The following VPS33B variants were observed in gnomAD, a reference collection of about 807,000 sequenced individuals.
The protein encoded by VPS33B is vacuolar protein sorting-associated protein 33B.
In VPS33B, 80 loss-of-function variants were observed where a neutral mutation model predicts 95.3. That is an observed-to-expected ratio of 0.84 (90% CI 0.70 to 1.01). The LOEUF (loss-of-function observed/expected upper bound fraction) is 1.01. VPS33B is among the 50% of genes least tolerant of loss of function. The pLI is 0.00. For missense variants in VPS33B, 715 were observed against 773.4 expected (o/e 0.92, Z 0.90); for synonymous variants, 280 against 280.4 (o/e 1.00, Z 0.01).
In VPS33B at chr15:91,005,861, T is replaced by C. The variant is rs988301584; in HGVS notation, c.940-77A>G. On this transcript the variant is annotated intron_variant, in intron 12 of 22. Coordinates refer to ENST00000333371, the MANE Select transcript of VPS33B (RefSeq NM_018668.5). This position sits in a 1 kb window ranked among gnomAD's most constrained non-coding sequence, Gnocchi z 6.4. ...ACCACCCTCCCTCAGTTGCCATCCA[T>C]CCATGAGAAAGGACAGGGAACCTGT... 6.2e-7 allele frequency: 1 copy of C among 1,608,536 alleles called. No individual in the cohort carries two copies. The highest frequency in any genetic ancestry group is 1.3e-5 in the African/African-American group (1 of 74,768).
In VPS33B at chr15:91,014,219, CAAAAAAAAA is replaced by C. The variant is rs61232231; in HGVS notation, c.289+156_289+164del. 5.0e-5 allele frequency among the ~76,000 whole-genome samples: 3 copies of C among 59,624 alleles called. No individual in the cohort carries two copies. In the South Asian group the frequency reaches 1.8e-3, roughly 35 times the overall value. The allele number at this position is 59,624 out of a possible 152,430, so 39.1% of individuals were successfully genotyped here. On this transcript the variant is annotated intron_variant, in intron 4 of 22. Coordinates refer to ENST00000333371, the MANE Select transcript of VPS33B (RefSeq NM_018668.5). The stretch of plus-strand genomic sequence containing the variant: ...GGGCAACAAGAGTGAAACTCCGTCT[CAAAAAAAAA>C]AAAAAAAAAAAAAAGAAGCGGGGAA...
rs2040639424 is a variant in VPS33B at position 91,007,333 on chromosome 15, T to C, written c.603+136A>G. ...TGTTAGCCACACAAGTTCTCCTCTC[T>C]GAGGATCTATTCCAGAACAATGAAA... On this transcript the variant is annotated intron_variant, in intron 8 of 22. Transcript: ENST00000333371. This position sits in a 1 kb window ranked among gnomAD's most constrained non-coding sequence, Gnocchi z 5.3. 1 of 926,758 alleles carries C rather than the reference T, an allele frequency of 1.1e-6. No homozygotes were observed. Among genetic ancestry groups the C allele is most frequent in the Non-Finnish European group, 1.7e-6 (1 of 577,376 alleles). The allele number at this position is 926,758 out of a possible 1,614,324, so 57.4% of individuals were successfully genotyped here.
At chr15:91,014,458 CAG>C (rs761530494) in intron 3 of VPS33B, 25 bp from the exon 4 acceptor site, 2 of 1,610,044 alleles carry the variant, frequency 1.2e-6, no homozygotes, top group East Asian at 2.2e-5. Flanking sequence ...GAAAAAAAAA[CAG>C]TGAAGAAGAA....
Position 91,006,320 on chromosome 15 carries a change from TGGTATAAG to T in VPS33B, c.852+44_852+51del. ...TGGTATAAGCAGGGGGCCCACAGCC[TGGTATAAG>T]CAGTGGCCCTAGGTGGGCCCATTGC... On this transcript the variant is annotated intron_variant, in intron 11 of 22. Coordinates refer to ENST00000333371, the MANE Select transcript of VPS33B (RefSeq NM_018668.5). This position sits in a 1 kb window ranked among gnomAD's most constrained non-coding sequence, Gnocchi z 5.4. 7.4e-7 allele frequency: 1 copy of T among 1,346,800 alleles called. No homozygotes were observed. Among genetic ancestry groups the T allele is most frequent in the Non-Finnish European group, 1.0e-6 (1 of 997,640 alleles). The allele number at this position is 1,346,800 out of a possible 1,614,324, so 83.4% of individuals were successfully genotyped here.
At position 91,004,900 on chromosome 15, in the gene VPS33B, C is replaced by G. The variant is rs1418622932; in HGVS notation, c.1202G>C (p.Cys401Ser). 6.2e-7 allele frequency: 1 copy of G among 1,614,166 alleles called. No homozygotes were observed. Among genetic ancestry groups the G allele is most frequent in the Admixed American group, 1.7e-5 (1 of 60,020 alleles). Residue 401 changes from cysteine to serine, a missense_variant, in exon 16 of 23, where the codon TGC becomes TCC. Physicochemically the swap from Cys to Ser is moderately radical, Grantham distance 112. Coordinates refer to ENST00000333371, the MANE Select transcript of VPS33B (RefSeq NM_018668.5). ...ACCATTCTCAGTGATGGACAAAAGG[C>G]ACATGAGGCGCAGGCTTTCTATAGG... Reference protein sequence around the residue: ...VSPIESLRLMCLLSITENGLI... With the variant: ...VSPIESLRLMSLLSITENGLI...
chr15:91,004,989 T>G (rs896436845), intron 15 of VPS33B, 58 bp from the exon 16 acceptor site: 1 of 1,614,088 alleles, frequency 6.2e-7, no homozygotes, highest in African/African-American at 1.3e-5. Flanking sequence ...GTTCTTTTCC[T>G]TCTGCTTAAG....
In VPS33B at chr15:90,999,014, G is replaced by A. The variant is rs779948069; in HGVS notation, c.1815C>T (p.Ser605=). Residue 605 remains serine (S), a synonymous_variant, in exon 23 of 23, where the codon AGC becomes AGT. Coordinates refer to ENST00000333371, the MANE Select transcript of VPS33B (RefSeq NM_018668.5). This position sits in a 1 kb window ranked among gnomAD's most constrained non-coding sequence, Gnocchi z 5.1. ...FIFLTTAVTN[S]ARLMEAMSEV... ...CACTCATGGCCTCCATAAGGCGAGC[G>A]CTGTTTGTGACTGCTGTCGTCAGGA... 20 of 1,614,038 alleles carry A rather than the reference G, an allele frequency of 1.2e-5. No individual in the cohort carries two copies. Among genetic ancestry groups the A allele is most frequent in the Middle Eastern group, 1.6e-4 (1 of 6,084 alleles).
intron 6 of VPS33B, among the ~76,000 whole-genome samples, chr15:91,008,838 C>T (rs895607702): frequency 8.5e-5 from 13 of 152,270 alleles, no homozygotes; most frequent in Non-Finnish European, 1.9e-4. Context: ...AAGAGAAAAT[C>T]AAGCTTAGAA....
chr15:91,002,731 G>C lies in VPS33B; in HGVS notation c.1272+354C>G, dbSNP rs1398280618. Among the ~76,000 whole-genome samples the C allele has an allele frequency of 6.6e-6, 1 of 152,100 alleles. No individual in the cohort carries two copies. Among genetic ancestry groups the C allele is most frequent in the Non-Finnish European group, 1.5e-5 (1 of 68,012 alleles). On this transcript the variant is annotated intron_variant, in intron 17 of 22. Transcript: ENST00000333371. This position sits in a 1 kb window ranked among gnomAD's most constrained non-coding sequence, Gnocchi z 4.7. Reference sequence around the variant, plus strand: ...AGAGACCCATGGATGTATGGGAAAGGCTTCCTGGATGAAGTAAGACTTGAG... The same window carrying C: ...AGAGACCCATGGATGTATGGGAAAGCCTTCCTGGATGAAGTAAGACTTGAG...
chr15:91,000,632 G>C lies in VPS33B; in HGVS notation c.1480-41C>G, dbSNP rs773182950. On this transcript the variant is annotated intron_variant, in intron 19 of 22. Coordinates refer to ENST00000333371, the MANE Select transcript of VPS33B (RefSeq NM_018668.5). The surrounding 1 kb of genome is among the most constrained non-coding windows in gnomAD (Gnocchi z 4.9). ...ACTTCATTAGGCAAGTGACAGCTCA[G>C]CTCCCTAACCCTTTAAAGGGTCAGA... The C allele has an allele frequency of 6.4e-7, 1 of 1,571,990 alleles. No homozygotes were observed. Among genetic ancestry groups the C allele is most frequent in the South Asian group, 1.1e-5 (1 of 89,880 alleles).
chr15:91,001,927 A>T, intron 18 of VPS33B, 123 bp downstream of exon 18: 1 of 1,493,608 alleles, frequency 6.7e-7, no homozygotes, highest in Non-Finnish European at 9.2e-7. Context: ...AATAATAGTA[A>T]TGACATTAAT....
chr15:91,018,600 G>T lies in VPS33B; in HGVS notation c.97-715C>A, dbSNP rs2041010607. ...GGCTGTGTAGTAAGGGGACGATTTT[G>T]CCCTCCGAGGGACATTTGGCAATGT... On this transcript the variant is annotated intron_variant, in intron 1 of 22. Transcript: ENST00000333371. This position sits in a 1 kb window ranked among gnomAD's most constrained non-coding sequence, Gnocchi z 4.7. Among the ~76,000 whole-genome samples the T allele has an allele frequency of 6.6e-6, 1 of 152,122 alleles. No individual in the cohort carries two copies. The highest frequency in any genetic ancestry group is 1.5e-5 in the Non-Finnish European group (1 of 68,026).
rs2041132695 is a variant in VPS33B at position 91,022,415 on chromosome 15, C to T, written c.-166G>A. 7 of 613,802 alleles carry T rather than the reference C, an allele frequency of 1.1e-5. No homozygotes were observed. In the South Asian group the frequency reaches 1.5e-4, roughly 13 times the overall value. The allele number at this position is 613,802 out of a possible 1,614,324, so 38.0% of individuals were successfully genotyped here. ...CAGCAGCACTCCAGGAATGAATGGCCACCTCCAGGCAAGAGAGCTACTACC... is the reference window on the plus strand; with the variant it reads ...CAGCAGCACTCCAGGAATGAATGGCTACCTCCAGGCAAGAGAGCTACTACC... On this transcript the variant is annotated 5_prime_UTR_variant, in exon 1 of 23. Transcript: ENST00000333371.
intron 1 of VPS33B, among the ~76,000 whole-genome samples, chr15:91,021,060 A>C (rs2041087945): frequency 6.6e-6 from 1 of 152,064 alleles, no homozygotes; most frequent in Non-Finnish European, 1.5e-5. Flanking sequence ...AAACCCAAAC[A>C]AATCAACTTC....
Position 91,006,111 on chromosome 15 carries a change from G to A in VPS33B, c.853-52C>T, listed in dbSNP as rs770426562. 6.3e-7 allele frequency: 1 copy of A among 1,590,618 alleles called. No homozygotes were observed. The highest frequency in any genetic ancestry group is 8.6e-7 in the Non-Finnish European group (1 of 1,160,808). ...CTTACTCTGTCAGAACCATAACTTA[G>A]CAGTAGAATGACAGTACAGGAAGGG... is the stretch of plus-strand genomic sequence containing the variant. On this transcript the variant is annotated intron_variant, in intron 11 of 22. Coordinates refer to ENST00000333371, the MANE Select transcript of VPS33B (RefSeq NM_018668.5). The surrounding 1 kb of genome is among the most constrained non-coding windows in gnomAD (Gnocchi z 5.4).
Position 91,022,520 on chromosome 15 carries a change from T to G in VPS33B, c.-271A>C, listed in dbSNP as rs116461458. The stretch of plus-strand genomic sequence containing the variant: ...GATCCACTCTGCCCGTCAGCAGGAT[T>G]CCGGTCTACACCCCGCAGAGACTCC... On this transcript the variant is annotated 5_prime_UTR_variant, in exon 1 of 23. Coordinates refer to ENST00000333371, the MANE Select transcript of VPS33B (RefSeq NM_018668.5). 701 of 346,412 alleles carry G rather than the reference T, an allele frequency of 2.0e-3. 2 individuals carry two copies. Among genetic ancestry groups the G allele is most frequent in the African/African-American group, 0.013 (633 of 47,836 alleles). The allele number at this position is 346,412 out of a possible 1,614,324, so 21.5% of individuals were successfully genotyped here.
In VPS33B at chr15:91,018,442, G is replaced by A. The variant is rs2041006005; in HGVS notation, c.97-557C>T. 6.6e-6 allele frequency among the ~76,000 whole-genome samples: 1 copy of A among 152,128 alleles called. No individual in the cohort carries two copies. The highest frequency in any genetic ancestry group is 2.4e-5 in the African/African-American group (1 of 41,412). On this transcript the variant is annotated intron_variant, in intron 1 of 22. Transcript: ENST00000333371. This position sits in a 1 kb window ranked among gnomAD's most constrained non-coding sequence, Gnocchi z 4.7. ...GATCTCAATGTCTGTTCAGAGGAAG[G>A]AGAGGTCACAGTTAGTGACAGGGAG...
intron 1 of VPS33B, among the ~76,000 whole-genome samples, chr15:91,020,763 C>A (rs890393834): frequency 7.2e-5 from 11 of 152,134 alleles, no homozygotes; most frequent in Non-Finnish European, 1.0e-4. Flanking sequence ...CGCCTGTAAT[C>A]CCAACTACTG....
chr15:91,017,399 T>C (rs369779561), intron 2 of VPS33B, among the ~76,000 whole-genome samples: 1 of 72,228 alleles, frequency 1.4e-5, no homozygotes, highest in African/African-American at 5.3e-5. Flanking sequence ...TATATATATA[T>C]ATATATATAT....
Sources: allele counts gnomAD v4.1 joint callset (sites outside exome capture counted in the v4.1 genomes callset), GRCh38; gene constraint gnomAD v4.1.1; non-coding constraint Gnocchi (gnomAD v3.1); transcripts MANE v1.5; gene names NCBI Gene and HGNC (gene_info 2026-07-23, HGNC 2026-07-21).